CD300LF: variants seen among roughly 807,000 people sequenced by gnomAD.
CD300LF encodes CMRF35-like molecule 1.
CD300LF carries 27 observed loss-of-function variants against 32.2 expected under a neutral mutation model. The ratio of observed to expected loss-of-function variants is 0.84; its 90% CI spans 0.62 to 1.15. CD300LF has a LOEUF of 1.15. Ranked by LOEUF, CD300LF falls within the 50% of genes most tolerant of loss-of-function variation. The probability of loss-of-function intolerance (pLI) is 0.00; values close to 1 mark genes in which losing one functional copy is unlikely to be tolerated. For missense variants in CD300LF, 348 were observed against 356.8 expected, an observed-to-expected ratio of 0.98 and a Z score of 0.20; for synonymous variants, 139 against 143.2, an observed-to-expected ratio of 0.97 and a Z score of 0.21.
At chr17:74,695,341 G>A (rs1240897345) in intron 6 of CD300LF, 90 bp from the exon 7 acceptor site, 4 of 1,469,442 alleles carry the variant, frequency 2.7e-6, no homozygotes, top group Non-Finnish European at 3.7e-6. Flanking sequence ...TAGTGGGGAT[G>A]GACCATTCAG....
At chr17:74,708,091 T>G (rs575832855) in intron 1 of CD300LF, among the ~76,000 whole-genome samples, 1 of 145,100 alleles carries the variant, frequency 6.9e-6, no homozygotes, top group African/African-American at 2.6e-5. Context: ...GAAGTTTCAG[T>G]GAGCCGAGAT....
At chr17:74,695,347 T>C in intron 6 of CD300LF, 96 bp from the exon 7 acceptor site, 1 of 1,442,596 alleles carries the variant, frequency 6.9e-7, no homozygotes. Flanking sequence ...GGATGGACCA[T>C]TCAGGGCTTC....
intron 4 of CD300LF, among the ~76,000 whole-genome samples, chr17:74,697,422 C>T (rs2032600375): frequency 6.6e-6 from 1 of 152,178 alleles, no homozygotes; most frequent in Non-Finnish European, 1.5e-5. Flanking sequence ...GCACTTAGAC[C>T]TTAGGCCGTG....
At position 74,694,983 on chromosome 17, in the gene CD300LF, G is replaced by T; in HGVS notation, c.*113C>A. 3 of 1,204,232 alleles carry T rather than the reference G, an allele frequency of 2.5e-6. No individual in the cohort carries two copies. The highest frequency in any genetic ancestry group is 3.5e-6 in the Non-Finnish European group (3 of 858,588). 74.6% of individuals were successfully genotyped at this position (1,204,232 alleles called of 1,614,324 possible). ...AGCTAGGGGCAATGCTGGCTGATCAGGCAGAGGCACCAGTCCCCGGGTTGG... is the reference window on the plus strand; with the variant it reads ...AGCTAGGGGCAATGCTGGCTGATCATGCAGAGGCACCAGTCCCCGGGTTGG... On this transcript the variant is annotated 3_prime_UTR_variant, in exon 7 of 7. Coordinates refer to ENST00000326165, the MANE Select transcript of CD300LF (RefSeq NM_139018.5).
In CD300LF at chr17:74,698,660, T is replaced by G. The variant is rs902367675; in HGVS notation, c.447-179A>C. ...AAGATGGGTTTACAATGAGTACACA[T>G]AGACACAAAGAAGGGAATGGAACAA... On this transcript the variant is annotated intron_variant, in intron 3 of 6. Coordinates refer to ENST00000326165, the MANE Select transcript of CD300LF (RefSeq NM_139018.5). 17 of 1,425,062 alleles carry G rather than the reference T, an allele frequency of 1.2e-5. No individual in the cohort carries two copies. In the East Asian group the frequency reaches 4.0e-4, roughly 34 times the overall value. The allele number at this position is 1,425,062 out of a possible 1,614,324, so 88.3% of individuals were successfully genotyped here. A position where few individuals can be genotyped will look rare whatever the true frequency, so the allele number is the denominator to read the frequency against.
At chr17:74,709,068 C>T (rs1041792352) in intron 1 of CD300LF, among the ~76,000 whole-genome samples, 3 of 151,030 alleles carry the variant, frequency 2.0e-5, no homozygotes, top group Admixed American at 1.3e-4. Context: ...ACTAAAAATT[C>T]AAAAAATTAG....
chr17:74,697,955 T>C (rs1326081868), intron 4 of CD300LF, among the ~76,000 whole-genome samples: 2 of 152,098 alleles, frequency 1.3e-5, no homozygotes, highest in African/African-American at 4.8e-5. Context: ...TCCACTGGTG[T>C]GTTTGTGTCT....
chr17:74,696,293 G>T, intron 4 of CD300LF, 76 bp from the exon 5 acceptor site: 1 of 1,473,186 alleles, frequency 6.8e-7, no homozygotes, highest in Non-Finnish European at 9.1e-7. Context: ...CTAGGGAAGA[G>T]AAATATGGAA....
chr17:74,698,765 A>T (rs2032762013), intron 3 of CD300LF: 2 of 562,348 alleles, frequency 3.6e-6, no homozygotes, highest in Non-Finnish European at 5.9e-6. Flanking sequence ...ATTGGGTACT[A>T]TACCTATTAC....
At chr17:74,696,702 C>T (rs1384633588) in intron 4 of CD300LF, among the ~76,000 whole-genome samples, 1 of 152,216 alleles carries the variant, frequency 6.6e-6, no homozygotes, top group African/African-American at 2.4e-5. Context: ...CTTCGTCCTA[C>T]TGAATTCTAG....
chr17:74,700,055 T>C (rs941026368), intron 3 of CD300LF, among the ~76,000 whole-genome samples: 4 of 151,904 alleles, frequency 2.6e-5, no homozygotes, highest in Admixed American at 2.6e-4. Context: ...GGTGGGAGAA[T>C]TGCTTGAACC....
chr17:74,698,551 C>A, intron 3 of CD300LF, 70 bp from the exon 4 acceptor site: 2 of 1,543,288 alleles, frequency 1.3e-6, no homozygotes, highest in Non-Finnish European at 1.7e-6. Context: ...TCCCACCCAC[C>A]CAGCAGCAGG....
At chr17:74,699,577 G>A (rs2032847818) in intron 3 of CD300LF, among the ~76,000 whole-genome samples, 1 of 152,088 alleles carries the variant, frequency 6.6e-6, no homozygotes, top group South Asian at 2.1e-4. Flanking sequence ...ACAAGACCGG[G>A]AACACAAAGG....
At chr17:74,707,469 C>T (rs932226228) in intron 1 of CD300LF, among the ~76,000 whole-genome samples, 1 of 152,156 alleles carries the variant, frequency 6.6e-6, no homozygotes, top group Non-Finnish European at 1.5e-5. Context: ...AATTCCAGCA[C>T]TTTGGGAGGC....
At position 74,695,273 on chromosome 17, in the gene CD300LF, G is replaced by A. The variant is rs747539597; in HGVS notation, c.718-22C>T. ...AAGCCTGCAGCAAAGGCGGGCTCCA[G>A]GTCAGAGAGGACGGCAGGAAGTGAC... On this transcript the variant is annotated intron_variant, in intron 6 of 6. Coordinates refer to ENST00000326165, the MANE Select transcript of CD300LF (RefSeq NM_139018.5). The A allele has an allele frequency of 3.1e-6, 5 of 1,613,094 alleles. No homozygotes were observed. In the South Asian group the frequency reaches 3.3e-5, roughly 11 times the overall value.
chr17:74,698,222 TC>T, intron 4 of CD300LF, 146 bp downstream of exon 4: 1 of 652,012 alleles, frequency 1.5e-6, no homozygotes, highest in Non-Finnish European at 2.6e-6. Context: ...CGCCCCCCGG[TC>T]CCCTGGCACT....
Position 74,704,652 on chromosome 17 carries a change from C to T in CD300LF, c.208G>A (p.Gly70Arg), listed in dbSNP as rs747682173. Residue 70 changes from glycine (G) to arginine (R), a missense_variant, in exon 2 of 7, where the codon GGG (glycine) becomes AGG (arginine). Transcript: ENST00000326165. ...RDCKILVKTS[G>R]SEQEVKRDRV... ...TCCCTCTTCACCTCCTGCTCTGACC[C>T]ACTGGTTTTAACAAGGATCTTGCAG... 3.8e-5 allele frequency: 61 copies of T among 1,614,050 alleles called. 1 individual carries two copies. Among genetic ancestry groups the T allele is most frequent in the Admixed American group, 1.7e-5 (1 of 59,984 alleles).
At chr17:74,698,525 C>T in intron 3 of CD300LF, 44 bp from the exon 4 acceptor site, 1 of 1,572,928 alleles carries the variant, frequency 6.4e-7, no homozygotes, top group Non-Finnish European at 8.6e-7. Flanking sequence ...GGCTCACCAC[C>T]TGCCTCTCAG....
At chr17:74,705,419 A>G (rs1164095710) in intron 1 of CD300LF, 2 of 537,428 alleles carry the variant, frequency 3.7e-6, no homozygotes, top group African/African-American at 1.9e-5. Flanking sequence ...TCTTTAATGA[A>G]TTGCTTTGAC....
Sources: allele counts gnomAD v4.1 joint callset (sites outside exome capture counted in the v4.1 genomes callset), GRCh38; gene constraint gnomAD v4.1.1; transcripts MANE v1.5; gene names NCBI Gene and HGNC (gene_info 2026-07-23, HGNC 2026-07-21).